The following GPR55 variants were observed in gnomAD, a reference collection of about 807,000 sequenced individuals.
GPR55 encodes G-protein coupled receptor 55.
A neutral mutation model predicts 7.9 loss-of-function variants in GPR55; 6 were observed. The observed-to-expected ratio is 0.76, with a 90% CI of 0.41 to 1.49. The LOEUF is 1.49. Among genes scored for constraint, GPR55 ranks in the 40% most tolerant of loss-of-function variants. The probability of loss-of-function intolerance (pLI) is 0.01; values close to 1 mark genes in which losing one functional copy is unlikely to be tolerated. For missense variants in GPR55, 376 were observed against 406.0 expected, an observed-to-expected ratio of 0.93 and a Z score of 0.63; for synonymous variants, 183 against 166.8, an observed-to-expected ratio of 1.10 and a Z score of -0.75.
At chr2:230,959,921 A>G (rs1172816108) in intron 1 of GPR55, among the ~76,000 whole-genome samples, 2 of 152,182 alleles carry the variant, frequency 1.3e-5, no homozygotes, top group Non-Finnish European at 2.9e-5. Flanking sequence ...GTTTTTAAAG[A>G]GAAATAGGGG....
At chr2:230,929,262 A>C (rs1690992834), upstream of GPR55, among the ~76,000 whole-genome samples, 1 of 152,112 alleles carries the variant, frequency 6.6e-6, no homozygotes, top group Admixed American at 6.5e-5. Flanking sequence ...CTGAGGACTG[A>C]CACCCTGCCC....
chr2:230,959,719 T>A (rs759843139), intron 1 of GPR55, among the ~76,000 whole-genome samples: 1 of 152,216 alleles, frequency 6.6e-6, no homozygotes, highest in Non-Finnish European at 1.5e-5. Context: ...AATTCTTGAT[T>A]TTTGTTGATT....
chr2:230,925,457 T>G (rs534826282), upstream of GPR55, among the ~76,000 whole-genome samples: 1 of 152,180 alleles, frequency 6.6e-6, no homozygotes, highest in Admixed American at 6.5e-5. Flanking sequence ...TTGGAAGATC[T>G]GCACGCCCCC....
chr2:230,942,273 C>T (rs1326516373), intron 1 of GPR55, among the ~76,000 whole-genome samples: 2 of 152,078 alleles, frequency 1.3e-5, no homozygotes, highest in Admixed American at 1.3e-4. Context: ...GAGGCAAGGG[C>T]CTGCCTCCTT....
Position 230,946,902 on chromosome 2 carries a change from G to A in GPR55, c.-135+13873C>T, listed in dbSNP as rs552002981. ...CTTTAGGACTCCACTGAGGTTCTTT[G>A]AGACACACACCAAACTAGAGAGCAG... On this transcript the variant is annotated intron_variant, in intron 1 of 1. Coordinates refer to the GPR55 transcript ENST00000392039. Among the ~76,000 whole-genome samples the A allele has an allele frequency of 2.0e-5, 3 of 152,354 alleles. No individual in the cohort carries two copies. In the South Asian group the frequency reaches 6.2e-4, roughly 32 times the overall value.
chr2:230,928,797 T>C (rs1690985731), upstream of GPR55, among the ~76,000 whole-genome samples: 1 of 152,108 alleles, frequency 6.6e-6, no homozygotes, highest in African/African-American at 2.4e-5. Flanking sequence ...GCAGGGGAAC[T>C]CAGGAAGAAG....
chr2:230,913,437 A>G (rs1350900837), intron 1 of GPR55, among the ~76,000 whole-genome samples: 1 of 152,266 alleles, frequency 6.6e-6, no homozygotes, highest in Non-Finnish European at 1.5e-5. Context: ...TCATCCATTG[A>G]GCACTACGCA....
At chr2:230,922,142 G>T (rs1690852698) in intron 1 of GPR55, among the ~76,000 whole-genome samples, 1 of 152,208 alleles carries the variant, frequency 6.6e-6, no homozygotes, top group African/African-American at 2.4e-5. Context: ...TTACTGAAGG[G>T]TGTTTTTGTT....
Position 230,944,957 on chromosome 2 carries a change from C to CG in GPR55, c.-135+15817dup, listed in dbSNP as rs1417660675. 7.2e-5 allele frequency among the ~76,000 whole-genome samples: 11 copies of CG among 152,294 alleles called. No homozygotes were observed. Among genetic ancestry groups the CG allele is most frequent in the Admixed American group, 5.2e-4 (8 of 15,288 alleles). ...TGTCCCAGCCACCCACACTCGCTGCCGGGGGAAGAACCAGGTAAGGTTCCC... is the reference window on the plus strand; with the variant it reads ...TGTCCCAGCCACCCACACTCGCTGCCGGGGGGAAGAACCAGGTAAGGTTCCC... On this transcript the variant is annotated intron_variant, in intron 1 of 1. Coordinates refer to the GPR55 transcript ENST00000392039. This position sits in a 1 kb window ranked among gnomAD's most constrained non-coding sequence, Gnocchi z 4.2.
At chr2:230,958,018 A>G (rs1411940207) in intron 1 of GPR55, 1 of 319,220 alleles carries the variant, frequency 3.1e-6, no homozygotes, top group Non-Finnish European at 6.4e-6. Flanking sequence ...GCTCAACCAC[A>G]TAAAACATTT....
At chr2:230,919,785 A>G (rs1359551528) in intron 1 of GPR55, among the ~76,000 whole-genome samples, 1 of 152,074 alleles carries the variant, frequency 6.6e-6, no homozygotes. Flanking sequence ...TTTTTTTCTA[A>G]TAGTAAAAAA....
At position 230,910,496 on chromosome 2, in the gene GPR55, A is replaced by C; in HGVS notation, c.467T>G (p.Ile156Ser). ...TTCCACTTTCCCATGGAAACTGTAG[A>C]TAGGGATGCTTCCGGTCCACACCAG... ...WVLVWTGSIPIYSFHGKVEKY... is the reference protein window; with the variant it reads ...WVLVWTGSIPSYSFHGKVEKY... The change falls in exon 2 of 2, where the codon ATC (isoleucine) becomes AGC (serine). Residue 156 changes from isoleucine to serine, a missense_variant. Physicochemically the swap from Ile to Ser is moderately radical, Grantham distance 142. Transcript: ENST00000650999. This position sits in a 1 kb window ranked among gnomAD's most constrained non-coding sequence, Gnocchi z 5.4. 1 of 1,614,138 alleles carries C rather than the reference A, an allele frequency of 6.2e-7. No homozygotes were observed. Among genetic ancestry groups the C allele is most frequent in the African/African-American group, 1.3e-5 (1 of 75,018 alleles).
intron 1 of GPR55, among the ~76,000 whole-genome samples, chr2:230,940,129 T>C (rs2125065460): frequency 6.6e-6 from 1 of 152,018 alleles, no homozygotes; most frequent in East Asian, 1.9e-4. Context: ...TTGGGGCAGC[T>C]ACAGCCTCCC....
chr2:230,940,177 C>A (rs896975276), intron 1 of GPR55, among the ~76,000 whole-genome samples: 1 of 152,042 alleles, frequency 6.6e-6, no homozygotes, highest in Non-Finnish European at 1.5e-5. Context: ...GCACCTGGAC[C>A]AGAGCCCAGC....
intron 1 of GPR55, among the ~76,000 whole-genome samples, chr2:230,950,397 T>C (rs1483963145): frequency 6.6e-6 from 1 of 152,194 alleles, no homozygotes; most frequent in Non-Finnish European, 1.5e-5. Context: ...TCTTTTTATC[T>C]CTTCTTGCCA....
chr2:230,920,978 G>T (rs1157593740), intron 1 of GPR55, among the ~76,000 whole-genome samples: 4 of 152,106 alleles, frequency 2.6e-5, no homozygotes, highest in South Asian at 2.1e-4. Context: ...AAGACACAGA[G>T]TAAAATGATA....
chr2:230,910,826 C>A lies in GPR55; in HGVS notation c.137G>T (p.Ser46Ile). The change falls in exon 2 of 2, where the codon AGC (serine) becomes ATC (isoleucine). Residue 46 changes from serine (S) to isoleucine (I), a missense_variant. Ser to Ile is a moderately radical substitution (Grantham distance 142, BLOSUM62 -2). Transcript: ENST00000650999. The surrounding 1 kb of genome is among the most constrained non-coding windows in gnomAD (Gnocchi z 5.4). ...LLNLLAIHGF[S>I]TFLKNRWPDY... ...GGGCCACCTGTTCTTAAGGAAGGTG[C>A]TGAAGCCATGGATGGCCAGCAGGTT... 1 of 1,614,138 alleles carries A rather than the reference C, an allele frequency of 6.2e-7. No homozygotes were observed. The highest frequency in any genetic ancestry group is 8.5e-7 in the Non-Finnish European group (1 of 1,180,012).
intron 1 of GPR55, among the ~76,000 whole-genome samples, chr2:230,940,170 C>T (rs1321865589): frequency 1.3e-5 from 2 of 152,032 alleles, no homozygotes; most frequent in Admixed American, 1.3e-4. Flanking sequence ...TCAGCCTGCA[C>T]CTGGACCAGA....
intron 1 of GPR55, among the ~76,000 whole-genome samples, chr2:230,956,292 G>A (rs903271672): frequency 6.6e-6 from 1 of 151,958 alleles, no homozygotes; most frequent in Non-Finnish European, 1.5e-5. Flanking sequence ...AGCCTCCCGA[G>A]TACCTGGGAC....
Sources: gnomAD v4.1 joint callset for allele counts (sites outside exome capture counted in the v4.1 genomes callset) on GRCh38, gnomAD v4.1.1 for gene constraint, Gnocchi (gnomAD v3.1) non-coding constraint, MANE v1.5 for transcripts, NCBI Gene and HGNC (gene_info 2026-07-23, HGNC 2026-07-21) for gene names.